Variants in PSD observed in about 807,000 individuals in gnomAD.
PSD encodes PH and SEC7 domain-containing protein 1.
In PSD, 32 loss-of-function variants were observed where a neutral mutation model predicts 91.6. The ratio of observed to expected loss-of-function variants is 0.35; its 90% CI spans 0.26 to 0.47. The LOEUF is 0.47. Among genes scored for constraint, PSD ranks in the 20% least tolerant of loss-of-function variants. The pLI is 1.00. For missense variants in PSD, 1,099 were observed against 1,373.9 expected, an observed-to-expected ratio of 0.80 and a Z score of 3.16; for synonymous variants, 532 against 569.3, an observed-to-expected ratio of 0.93 and a Z score of 0.93.
At chr10:102,408,876 G>A in intron 10 of PSD, 1 of 986,724 alleles carries the variant, frequency 1.0e-6, no homozygotes, top group Non-Finnish European at 1.2e-6. Flanking sequence ...GGCGTGGGCC[G>A]CGGCCCCAAC....
At position 102,412,460 on chromosome 10, in the gene PSD, C is replaced by T; in HGVS notation, c.1669G>A (p.Ala557Thr). ...LSNGQKADLE[A>T]AQRLAKRLYR... ...AGCCTCTTGGCCAGGCGCTGCGCAG[C>T]CTCCAGGTCCGCTTTCTGCCCATTG... Residue 557 changes from alanine (A) to threonine (T), a missense_variant, in exon 6 of 17, where the codon GCT becomes ACT. Physicochemically the swap from Ala to Thr is moderately conservative, Grantham distance 58. Around this residue, in one of 3 missense-constraint regions of PSD, gnomAD observed 110 missense variants for 218.7 expected, o/e 0.50. Coordinates refer to ENST00000020673, the MANE Select transcript of PSD (RefSeq NM_002779.5). The T allele has an allele frequency of 6.2e-7, 1 of 1,614,156 alleles. No individual in the cohort carries two copies. Among genetic ancestry groups the T allele is most frequent in the Non-Finnish European group, 8.5e-7 (1 of 1,180,036 alleles).
In PSD at chr10:102,404,655, G is replaced by T. The variant is rs775259556; in HGVS notation, c.2628C>A (p.Phe876Leu). ...TCTTTTGGGAGCTAACAGCAGCTGG[G>T]AAGGGGGGCGCAGAGAACATAGCGG... ...VVAAMFSAPPFPAAVSSQKKF... is the reference protein window; with the variant it reads ...VVAAMFSAPPLPAAVSSQKKF... Residue 876 changes from phenylalanine (F) to leucine (L), a missense_variant, in exon 15 of 17, where the codon TTC becomes TTA. By Grantham distance (22) the Phe-to-Leu change is conservative. Coordinates refer to ENST00000020673, the MANE Select transcript of PSD (RefSeq NM_002779.5). The surrounding 1 kb of genome is among the most constrained non-coding windows in gnomAD (Gnocchi z 5.7). 2 of 1,612,040 alleles carry T rather than the reference G, an allele frequency of 1.2e-6. No homozygotes were observed. Among genetic ancestry groups the T allele is most frequent in the South Asian group, 2.2e-5 (2 of 90,734 alleles).
intron 1 of PSD, among the ~76,000 whole-genome samples, chr10:102,417,367 G>A (rs1389043497): frequency 1.3e-5 from 2 of 152,064 alleles, no homozygotes; most frequent in Non-Finnish European, 2.9e-5. Flanking sequence ...CATCACCCTG[G>A]GAGGAGAGAG....
chr10:102,406,795 T>A (rs187020207), intron 11 of PSD, among the ~76,000 whole-genome samples: 13 of 152,172 alleles, frequency 8.5e-5, no homozygotes, highest in East Asian at 5.8e-4. Flanking sequence ...GTGAGCCACC[T>A]CGCCTGGCCG....
chr10:102,413,778 G>A lies in PSD; in HGVS notation c.1544C>T (p.Pro515Leu), dbSNP rs1027052532. The change falls in exon 5 of 17, where the codon CCC becomes CTC. Residue 515 changes from proline to leucine, a missense_variant. By Grantham distance (98) the Pro-to-Leu change is moderately conservative. Around this residue, in one of 3 missense-constraint regions of PSD, gnomAD observed 631 missense variants for 728.8 expected, o/e 0.87. Transcript: ENST00000020673. ...SEDSLGLGAA[P>L]LGSEPPLSQL... ...AAAAGGAATTACTTACCTGCCAAGG[G>A]GTGCTGCCCCCAGCCCAAGGCTGTC... 1 of 1,608,192 alleles carries A rather than the reference G, an allele frequency of 6.2e-7. No individual in the cohort carries two copies. The highest frequency in any genetic ancestry group is 1.3e-5 in the African/African-American group (1 of 74,772).
intron 10 of PSD, among the ~76,000 whole-genome samples, chr10:102,407,676 G>C (rs555019101): frequency 1.3e-5 from 2 of 152,070 alleles, no homozygotes; most frequent in African/African-American, 4.8e-5. Context: ...CCAACCACGC[G>C]CTCTGGCCTG....
In PSD at chr10:102,414,757, C is replaced by T. The variant is rs2061458210; in HGVS notation, c.1124+106G>A. The T allele has an allele frequency of 7.1e-7, 1 of 1,409,136 alleles. No homozygotes were observed. The highest frequency in any genetic ancestry group is 9.4e-7 in the Non-Finnish European group (1 of 1,064,324). 87.3% of individuals were successfully genotyped at this position (1,409,136 alleles called of 1,614,324 possible). On this transcript the variant is annotated intron_variant, in intron 4 of 16. Transcript: ENST00000020673. The surrounding 1 kb of genome is among the most constrained non-coding windows in gnomAD (Gnocchi z 5.6). Reference sequence around the variant, plus strand: ...TATACACACTGCCCCGCCAGCCCCACACCCATCTCTATCCCAGGCCCTTTG... The same window carrying T: ...TATACACACTGCCCCGCCAGCCCCATACCCATCTCTATCCCAGGCCCTTTG...
At chr10:102,407,131 C>A in intron 11 of PSD, 92 bp downstream of exon 11, 1 of 1,216,074 alleles carries the variant, frequency 8.2e-7, no homozygotes, top group South Asian at 1.6e-5. Context: ...TCCCCTACCC[C>A]CACCCAGGGC....
chr10:102,416,745 G>A lies in PSD; in HGVS notation c.294C>T (p.Ser98=), dbSNP rs764298684. Residue 98 remains serine (S), a synonymous_variant, in exon 2 of 17, where the codon AGC becomes AGT. Transcript: ENST00000020673. The surrounding 1 kb of genome is among the most constrained non-coding windows in gnomAD (Gnocchi z 6.0). The part of the protein sequence containing the change: ...PTGQPPPGAQ[S]SVVIFRFVEK... Reference sequence around the variant, plus strand: ...CCACAAAGCGGAAGATGACCACAGAGCTCTGGGCCCCGGGTGGGGGCTGCC... The same window carrying A: ...CCACAAAGCGGAAGATGACCACAGAACTCTGGGCCCCGGGTGGGGGCTGCC... 5.7e-6 allele frequency: 9 copies of A among 1,591,918 alleles called. No individual in the cohort carries two copies. In the South Asian group the frequency reaches 1.0e-4, roughly 18 times the overall value.
chr10:102,408,824 C>T (rs2061392786), intron 10 of PSD: 1 of 957,586 alleles, frequency 1.0e-6, no homozygotes, highest in Middle Eastern at 4.8e-4. Context: ...GCACCGCCCT[C>T]GGTGCCTCCC....
chr10:102,410,959 A>G lies in PSD; in HGVS notation c.2002-12T>C. The G allele has an allele frequency of 6.2e-7, 1 of 1,613,114 alleles. No individual in the cohort carries two copies. Among genetic ancestry groups the G allele is most frequent in the Non-Finnish European group, 8.5e-7 (1 of 1,179,104 alleles). On this transcript the variant is annotated splice_polypyrimidine_tract_variant and intron_variant, in intron 9 of 16. Transcript: ENST00000020673. The surrounding 1 kb of genome is among the most constrained non-coding windows in gnomAD (Gnocchi z 6.0). ...CGCTTCCCGATGTTCTAAGGAAGGGAACGGAGGCCTGTGAGTTTGGAGGGC... is the reference window on the plus strand; with the variant it reads ...CGCTTCCCGATGTTCTAAGGAAGGGGACGGAGGCCTGTGAGTTTGGAGGGC...
intron 8 of PSD, 90 bp from the exon 9 acceptor site, chr10:102,411,206 C>A: frequency 7.6e-7 from 1 of 1,318,622 alleles, no homozygotes; most frequent in Non-Finnish European, 1.0e-6. Flanking sequence ...TCCCCACCCC[C>A]TTTGGCCGGC....
At position 102,403,151 on chromosome 10, in the gene PSD, A is replaced by G; in HGVS notation, c.*49T>C. ...GGCCGGCCCGGGCTCAGGCAGGGCC[A>G]TGTCATCCTTCAGGTGCCCAGCAGG... On this transcript the variant is annotated 3_prime_UTR_variant, in exon 17 of 17. Transcript: ENST00000020673. This position sits in a 1 kb window ranked among gnomAD's most constrained non-coding sequence, Gnocchi z 6.7. 7.2e-7 allele frequency: 1 copy of G among 1,390,994 alleles called. No homozygotes were observed. The allele number at this position is 1,390,994 out of a possible 1,614,324, so 86.2% of individuals were successfully genotyped here. A position where few individuals can be genotyped will look rare whatever the true frequency, so the allele number is the denominator to read the frequency against.
chr10:102,406,125 G>C (rs1422777057), intron 11 of PSD: 1 of 152,546 alleles, frequency 6.6e-6, no homozygotes, highest in Non-Finnish European at 1.5e-5. Context: ...AGCTAGGCCT[G>C]CCTCCCTTGG....
At position 102,415,089 on chromosome 10, in the gene PSD, C is replaced by T. The variant is rs768556128; in HGVS notation, c.898G>A (p.Asp300Asn). The T allele has an allele frequency of 1.9e-6, 3 of 1,614,062 alleles. No individual in the cohort carries two copies. The East Asian group carries it at 6.7e-5, about 36-fold the overall frequency. ...CGCTCAGCCAGCACCTCATCGATGTCAGTCTCGCGGTAGCACCTCAGGGGC... is the reference window on the plus strand; with the variant it reads ...CGCTCAGCCAGCACCTCATCGATGTTAGTCTCGCGGTAGCACCTCAGGGGC... ...TVPLRCYRET[D>N]IDEVLAEREE... The change falls in exon 4 of 17, where the codon GAC (aspartate) becomes AAC (asparagine). Residue 300 changes from aspartate (D) to asparagine (N), a missense_variant. Transcript: ENST00000020673.
chr10:102,408,446 A>T (rs1370930269), intron 10 of PSD, among the ~76,000 whole-genome samples: 3 of 152,034 alleles, frequency 2.0e-5, no homozygotes, highest in African/African-American at 7.2e-5. Context: ...AACCAAGGCA[A>T]ATCAACACAT....
chr10:102,410,588 G>C lies in PSD; in HGVS notation c.2091+270C>G, dbSNP rs2061414985. ...AACTGAAGGCAAACGCAGGGGCCGG[G>C]GCCGCCTGCTCGCGTTTTCCAGAGC... is the stretch of plus-strand genomic sequence containing the variant. On this transcript the variant is annotated intron_variant, in intron 10 of 16. Transcript: ENST00000020673. This position sits in a 1 kb window ranked among gnomAD's most constrained non-coding sequence, Gnocchi z 6.0. 6.6e-6 allele frequency among the ~76,000 whole-genome samples: 1 copy of C among 152,220 alleles called. No homozygotes were observed. Among genetic ancestry groups the C allele is most frequent in the Admixed American group, 6.5e-5 (1 of 15,290 alleles).
rs145518744 is a variant in PSD at position 102,404,993 on chromosome 10, G to A, written c.2460C>T (p.His820=). Reference sequence around the variant, plus strand: ...CACTGGCACGAGTGGCCAGGGCATGGTGGATGCTGATGGCATTCTTGAGCT... The same window carrying A: ...CACTGGCACGAGTGGCCAGGGCATGATGGATGCTGATGGCATTCTTGAGCT... The part of the protein sequence containing the change: ...ETELKNAISI[H]HALATRASDY... The change falls in exon 14 of 17, where the codon CAC becomes CAT. Residue 820 remains histidine (H), a synonymous_variant. Transcript: ENST00000020673. This position sits in a 1 kb window ranked among gnomAD's most constrained non-coding sequence, Gnocchi z 5.7. 7.9e-5 allele frequency: 127 copies of A among 1,614,120 alleles called. 2 individuals carry two copies. In the Middle Eastern group the frequency reaches 8.2e-4, roughly 10 times the overall value.
At position 102,413,984 on chromosome 10, in the gene PSD, G is replaced by C; in HGVS notation, c.1338C>G (p.Pro446=). ...QSPFFTFELP[P]QPPAPRPDPP... is the part of the protein sequence containing the mutation. The stretch of plus-strand genomic sequence containing the variant: ...GGTCGGGCCGGGGTGCAGGGGGTTG[G>C]GGAGGCAGCTCAAAGGTGAAGAAGG... The change falls in exon 5 of 17, where the codon CCC becomes CCG. Residue 446 remains proline (P), a synonymous_variant. Coordinates refer to ENST00000020673, the MANE Select transcript of PSD (RefSeq NM_002779.5). The C allele has an allele frequency of 6.2e-7, 1 of 1,613,954 alleles. No homozygotes were observed. The highest frequency in any genetic ancestry group is 8.5e-7 in the Non-Finnish European group (1 of 1,179,854).
Sources: gnomAD v4.1 joint callset for allele counts (sites outside exome capture counted in the v4.1 genomes callset) on GRCh38, gnomAD v4.1.1 for gene constraint, gnomAD v4.1.1 regional missense constraint, Gnocchi (gnomAD v3.1) non-coding constraint, MANE v1.5 for transcripts, NCBI Gene and HGNC (gene_info 2026-07-23, HGNC 2026-07-21) for gene names.